Variants in FAM171A1 observed in about 807,000 individuals in gnomAD.
The protein encoded by FAM171A1 is protein FAM171A1.
In FAM171A1, 23 loss-of-function variants were observed where a neutral mutation model predicts 74.9. That is an observed-to-expected ratio of 0.31 (90% CI 0.22 to 0.44). FAM171A1 has a LOEUF of 0.44. Ranked by LOEUF, FAM171A1 falls within the 20% of genes least tolerant of loss-of-function variation. The pLI is 1.00. For synonymous variants in FAM171A1, 527 were observed against 505.7 expected (o/e 1.04, Z -0.57); for missense variants, 1,162 against 1,159.2 (o/e 1.00, Z -0.03).
intron 5 of FAM171A1, 143 bp downstream of exon 5, chr10:15,248,496 C>A: frequency 1.3e-6 from 1 of 798,380 alleles, no homozygotes; most frequent in East Asian, 3.0e-5. Flanking sequence ...GGTGCCGTCC[C>A]CATGAGAAAC....
chr10:15,223,054 A>C (rs180938560), intron 5 of FAM171A1, among the ~76,000 whole-genome samples: 1 of 152,338 alleles, frequency 6.6e-6, no homozygotes, highest in East Asian at 1.9e-4. Flanking sequence ...TATTGAGGAA[A>C]AAGGGCTGGG....
intron 1 of FAM171A1, among the ~76,000 whole-genome samples, chr10:15,298,570 G>A (rs1238484773): frequency 6.6e-6 from 1 of 152,164 alleles, no homozygotes; most frequent in Non-Finnish European, 1.5e-5. Flanking sequence ...ATAAAAGAAT[G>A]TAACTGTTCG....
intron 5 of FAM171A1, among the ~76,000 whole-genome samples, chr10:15,236,052 C>T (rs1834284458): frequency 6.6e-6 from 1 of 152,136 alleles, no homozygotes; most frequent in Non-Finnish European, 1.5e-5. Flanking sequence ...GACTTACGTT[C>T]CTGCTGTACC....
intron 1 of FAM171A1, among the ~76,000 whole-genome samples, chr10:15,327,532 T>C (rs1271193033): frequency 6.6e-6 from 1 of 152,010 alleles, no homozygotes; most frequent in Non-Finnish European, 1.5e-5. Context: ...GTGCCTATAA[T>C]CCCAGCTACT....
chr10:15,294,302 G>A (rs891558821), intron 1 of FAM171A1, among the ~76,000 whole-genome samples: 4 of 152,122 alleles, frequency 2.6e-5, no homozygotes, highest in Admixed American at 6.5e-5. Context: ...GCACCTCATG[G>A]CTCTCCTTCC....
intron 1 of FAM171A1, among the ~76,000 whole-genome samples, chr10:15,370,554 G>A (rs1191861944): frequency 6.6e-6 from 1 of 152,018 alleles, no homozygotes; most frequent in Non-Finnish European, 1.5e-5. Context: ...GTGGGGAGCC[G>A]GGAGCGCGAT....
rs545126024 is a variant in FAM171A1 at position 15,302,920 on chromosome 10, G to A, written c.98-18815C>T. Reference sequence around the variant, plus strand: ...TGTCTTGATTAAGGCCGGGCGCGGTGGCTCACACCTATAATCCCAGCACTT... The same window carrying A: ...TGTCTTGATTAAGGCCGGGCGCGGTAGCTCACACCTATAATCCCAGCACTT... On this transcript the variant is annotated intron_variant, in intron 1 of 7. Coordinates refer to ENST00000378116, the MANE Select transcript of FAM171A1 (RefSeq NM_001010924.2). 2.4e-4 allele frequency among the ~76,000 whole-genome samples: 36 copies of A among 152,312 alleles called. 1 individual carries two copies. The highest frequency in any genetic ancestry group is 8.7e-4 in the African/African-American group (36 of 41,552).
intron 1 of FAM171A1, 56 bp downstream of exon 1, chr10:15,370,900 C>G: frequency 2.3e-6 from 2 of 886,854 alleles, no homozygotes; most frequent in Non-Finnish European, 2.7e-6. Flanking sequence ...CCGCCGCCGC[C>G]TCCGCGCCAG....
rs4474342 is a variant in FAM171A1 at position 15,216,877 on chromosome 10, C to T, written c.872-767G>A. Among the ~76,000 whole-genome samples the T allele has an allele frequency of 3.1e-3, 473 of 151,044 alleles. 2 individuals carry two copies. Among genetic ancestry groups the T allele is most frequent in the African/African-American group, 0.011 (433 of 41,156 alleles). ...TACAAAGTTTTATTTTCGCTTTTCC[C>T]GGGCAGTCAATCATTACCGTCTGGA... is the stretch of plus-strand genomic sequence containing the variant. On this transcript the variant is annotated intron_variant, in intron 6 of 7. Coordinates refer to ENST00000378116, the MANE Select transcript of FAM171A1 (RefSeq NM_001010924.2).
intron 2 of FAM171A1, among the ~76,000 whole-genome samples, chr10:15,276,288 C>T (rs934591330): frequency 3.9e-5 from 6 of 152,152 alleles, no homozygotes; most frequent in African/African-American, 1.4e-4. Flanking sequence ...TCAAGCGATT[C>T]TCCTGCCTCA....
Position 15,248,792 on chromosome 10 carries a change from T to G in FAM171A1, c.601A>C (p.Thr201Pro), listed in dbSNP as rs756397721. ...GTGNSTRHDL[T>P]PVTAVSVHLL... ...TGGACGCTGACGGCTGTGACTGGGGTCAGGTCATGCCTGGTGCTGTTTCCT... is the reference window on the plus strand; with the variant it reads ...TGGACGCTGACGGCTGTGACTGGGGGCAGGTCATGCCTGGTGCTGTTTCCT... Residue 201 changes from threonine to proline, a missense_variant, in exon 5 of 8, where the codon ACC becomes CCC. Coordinates refer to ENST00000378116, the MANE Select transcript of FAM171A1 (RefSeq NM_001010924.2). 1 of 1,612,890 alleles carries G rather than the reference T, an allele frequency of 6.2e-7. No individual in the cohort carries two copies. Among genetic ancestry groups the G allele is most frequent in the Non-Finnish European group, 8.5e-7 (1 of 1,179,382 alleles).
intron 1 of FAM171A1, among the ~76,000 whole-genome samples, chr10:15,368,502 AAAC>A (rs1836093704): frequency 6.6e-6 from 1 of 152,232 alleles, no homozygotes; most frequent in African/African-American, 2.4e-5. Context: ...AGAATGATTC[AAAC>A]AACAGATTCT....
chr10:15,369,925 G>A (rs1836114393), intron 1 of FAM171A1, among the ~76,000 whole-genome samples: 1 of 152,228 alleles, frequency 6.6e-6, no homozygotes, highest in South Asian at 2.1e-4. Flanking sequence ...GCAGAGACCT[G>A]AGCCCCCGGC....
At chr10:15,338,183 A>T (rs551124811) in intron 1 of FAM171A1, among the ~76,000 whole-genome samples, 94 of 152,300 alleles carry the variant, frequency 6.2e-4, no homozygotes, top group African/African-American at 2.2e-3. Context: ...ACATATTCAA[A>T]CATAAATTTA....
At chr10:15,318,159 T>C (rs138322212) in intron 1 of FAM171A1, among the ~76,000 whole-genome samples, 29 of 152,154 alleles carry the variant, frequency 1.9e-4, no homozygotes, top group East Asian at 1.4e-3. Context: ...GTCTTGGCAA[T>C]AAAGAGAGCT....
At chr10:15,365,764 T>C (rs889548257) in intron 1 of FAM171A1, among the ~76,000 whole-genome samples, 7 of 40,520 alleles carry the variant, frequency 1.7e-4, no homozygotes, top group African/African-American at 5.6e-4. Context: ...AGTGAGACTC[T>C]GTTAAAAAAA....
intron 5 of FAM171A1, among the ~76,000 whole-genome samples, chr10:15,230,232 T>C (rs1186949938): frequency 6.6e-6 from 1 of 152,242 alleles, no homozygotes; most frequent in Non-Finnish European, 1.5e-5. Context: ...GGGATAGTCC[T>C]CTTTTTTTCC....
At chr10:15,370,506 C>T (rs1276097834) in intron 1 of FAM171A1, among the ~76,000 whole-genome samples, 3 of 152,028 alleles carry the variant, frequency 2.0e-5, no homozygotes, top group African/African-American at 7.2e-5. Flanking sequence ...GGCCCCAGCG[C>T]AGCCCAGGAG....
At chr10:15,246,955 G>A (rs1834443027) in intron 5 of FAM171A1, among the ~76,000 whole-genome samples, 1 of 152,216 alleles carries the variant, frequency 6.6e-6, no homozygotes, top group Non-Finnish European at 1.5e-5. Context: ...CAATACAACT[G>A]TCTGGAGGGA....
Sources: gnomAD v4.1 joint callset for allele counts (sites outside exome capture counted in the v4.1 genomes callset) on GRCh38, gnomAD v4.1.1 for gene constraint, MANE v1.5 for transcripts, NCBI Gene and HGNC (gene_info 2026-07-23, HGNC 2026-07-21) for gene names.